Variants in RNF169 observed in about 807,000 individuals in gnomAD.
RNF169 encodes E3 ubiquitin-protein ligase RNF169.
In RNF169, 24 loss-of-function variants were observed where a neutral mutation model predicts 53.9. The ratio of observed to expected loss-of-function variants is 0.45; its 90% CI spans 0.32 to 0.63. RNF169 has a LOEUF of 0.63. Among genes scored for constraint, RNF169 ranks in the 20% least tolerant of loss-of-function variants. RNF169 has a pLI of 0.04. For missense variants in RNF169, 883 were observed against 906.2 expected (o/e 0.97, Z 0.33); for synonymous variants, 396 against 363.5 (o/e 1.09, Z -1.02).
chr11:74,817,214 T>G (rs1484335163), intron 3 of RNF169, among the ~76,000 whole-genome samples: 1 of 152,218 alleles, frequency 6.6e-6, no homozygotes, highest in Non-Finnish European at 1.5e-5. Context: ...CTCAGTTTGC[T>G]ATCTGTAAAA....
intron 1 of RNF169, 148 bp from the exon 2 acceptor site, chr11:74,789,478 C>T: frequency 2.0e-6 from 1 of 495,794 alleles, no homozygotes; most frequent in Non-Finnish European, 3.6e-6. Context: ...CTTTCCTCTA[C>T]CTTTTTGATA....
In RNF169 at chr11:74,817,586, TC is replaced by T; in HGVS notation, c.724-7del. On this transcript the variant is annotated splice_polypyrimidine_tract_variant and intron_variant, in intron 3 of 5. Transcript: ENST00000299563. Reference sequence around the variant, plus strand: ...AATGGACAGTGTTGTCTCCCTTGTCTCCCTGCCAGTGTCCTGCACGTCTCTC... The same window carrying T: ...AATGGACAGTGTTGTCTCCCTTGTCTCCTGCCAGTGTCCTGCACGTCTCTC... The T allele has an allele frequency of 6.4e-7, 1 of 1,572,818 alleles. No homozygotes were observed. The highest frequency in any genetic ancestry group is 8.8e-7 in the Non-Finnish European group (1 of 1,142,232).
chr11:74,820,311 T>A (rs1042898681), intron 4 of RNF169, among the ~76,000 whole-genome samples: 1 of 152,088 alleles, frequency 6.6e-6, no homozygotes, highest in Non-Finnish European at 1.5e-5. Context: ...CTAGGTAAAA[T>A]TGCAGAGTTA....
rs114013930 is a variant in RNF169 at position 74,799,843 on chromosome 11, C to T, written c.576+10144C>T. Among the ~76,000 whole-genome samples, 907 of 151,682 alleles carry T rather than the reference C, an allele frequency of 6.0e-3. 8 individuals are homozygous for T. The highest frequency in any genetic ancestry group is 0.021 in the African/African-American group (872 of 41,350). ...AAGTTTTAAAGCAGAAAGGGAAAAT[C>T]GCCAGTAATCCTGCCACTTAATAAA... On this transcript the variant is annotated intron_variant, in intron 2 of 5. Coordinates refer to ENST00000299563, the MANE Select transcript of RNF169 (RefSeq NM_001098638.2).
intron 2 of RNF169, among the ~76,000 whole-genome samples, chr11:74,793,402 T>G (rs2035606258): frequency 6.6e-6 from 1 of 152,244 alleles, no homozygotes; most frequent in South Asian, 2.1e-4. Flanking sequence ...CTAATATACT[T>G]TTCACTTAGT....
chr11:74,784,426 A>G (rs1466725311), intron 1 of RNF169, among the ~76,000 whole-genome samples: 2 of 152,228 alleles, frequency 1.3e-5, no homozygotes, highest in African/African-American at 4.8e-5. Flanking sequence ...GCTGTGATTT[A>G]TTACAGTGAA....
chr11:74,788,383 G>A (rs988474655), intron 1 of RNF169, among the ~76,000 whole-genome samples: 24 of 151,786 alleles, frequency 1.6e-4, no homozygotes, highest in African/African-American at 5.1e-4. Flanking sequence ...TGGTCTGCCC[G>A]ATCCATTTTG....
intron 1 of RNF169, among the ~76,000 whole-genome samples, chr11:74,789,317 A>G (rs1423394821): frequency 1.3e-5 from 2 of 152,310 alleles, no homozygotes; most frequent in Admixed American, 1.3e-4. Context: ...ACAAAAGGCA[A>G]CTTTTTGGGG....
At chr11:74,813,077 C>T (rs989332505) in intron 3 of RNF169, among the ~76,000 whole-genome samples, 2 of 152,214 alleles carry the variant, frequency 1.3e-5, no homozygotes, top group South Asian at 2.1e-4. Context: ...AAAGCTATCA[C>T]ATTCATGAAG....
rs762292088 is a variant in RNF169 at position 74,748,927 on chromosome 11, C to G, written c.47C>G (p.Ala16Gly). ...ACTCGGGCCTCTTCCGCGGCGGCAG[C>G]AGCCGCTCTGAGTCGGCGGGGCCGG... ...PSTRASSAAA[A>G]AALSRRGRRG... The change falls in exon 1 of 6, where the codon GCA becomes GGA. Residue 16 changes from alanine (A) to glycine (G), a missense_variant. By Grantham distance (60) the Ala-to-Gly change is moderately conservative. Coordinates refer to ENST00000299563, the MANE Select transcript of RNF169 (RefSeq NM_001098638.2). 6.9e-7 allele frequency: 1 copy of G among 1,458,056 alleles called. No individual in the cohort carries two copies. Among genetic ancestry groups the G allele is most frequent in the East Asian group, 2.9e-5 (1 of 34,628 alleles). 90.3% of individuals were successfully genotyped at this position (1,458,056 alleles called of 1,614,324 possible). A position where few individuals can be genotyped will look rare whatever the true frequency, so the allele number is the denominator to read the frequency against.
At chr11:74,781,104 T>C (rs987242621) in intron 1 of RNF169, among the ~76,000 whole-genome samples, 1 of 152,062 alleles carries the variant, frequency 6.6e-6, no homozygotes, top group Non-Finnish European at 1.5e-5. Context: ...AGTTCTCCAG[T>C]GTTGAGGAGA....
intron 2 of RNF169, among the ~76,000 whole-genome samples, chr11:74,799,955 C>G (rs2035706587): frequency 6.7e-6 from 1 of 149,160 alleles, no homozygotes; most frequent in Non-Finnish European, 1.5e-5. Context: ...CTTTTACTGC[C>G]CTTTTAAAAT....
intron 1 of RNF169, among the ~76,000 whole-genome samples, chr11:74,755,081 A>G (rs931424229): frequency 1.3e-5 from 2 of 152,244 alleles, no homozygotes; most frequent in Non-Finnish European, 1.5e-5. Context: ...GAGGACAGGA[A>G]TTCCCTAGTC....
At chr11:74,825,198 A>G (rs2036076950) in intron 4 of RNF169, among the ~76,000 whole-genome samples, 1 of 152,242 alleles carries the variant, frequency 6.6e-6, no homozygotes, top group South Asian at 2.1e-4. Context: ...TATAGACTGT[A>G]TGTTAGACCA....
intron 1 of RNF169, among the ~76,000 whole-genome samples, chr11:74,785,094 G>T (rs1241869971): frequency 6.7e-6 from 1 of 149,150 alleles, no homozygotes; most frequent in East Asian, 1.9e-4. Context: ...AGCTTGGCCG[G>T]TATTTTGATC....
At chr11:74,797,214 A>G (rs1020197354) in intron 2 of RNF169, among the ~76,000 whole-genome samples, 1 of 152,280 alleles carries the variant, frequency 6.6e-6, no homozygotes, top group Admixed American at 6.5e-5. Flanking sequence ...AACTTTTAGG[A>G]CCTAATTATC....
At chr11:74,808,864 T>A (rs2035838136) in intron 2 of RNF169, among the ~76,000 whole-genome samples, 3 of 152,218 alleles carry the variant, frequency 2.0e-5, no homozygotes, top group Admixed American at 6.5e-5. Context: ...TCTCCCCAGC[T>A]GTGGATTTGC....
intron 1 of RNF169, among the ~76,000 whole-genome samples, chr11:74,773,903 C>T (rs1485185928): frequency 6.6e-6 from 1 of 152,096 alleles, no homozygotes; most frequent in Non-Finnish European, 1.5e-5. Flanking sequence ...AAAGTAAATA[C>T]CTAATAAATA....
intron 1 of RNF169, among the ~76,000 whole-genome samples, chr11:74,762,321 A>G (rs981458990): frequency 6.6e-6 from 1 of 151,564 alleles, no homozygotes; most frequent in African/African-American, 2.4e-5. Context: ...ATCATTCTCC[A>G]TCCAGCTTTG....
Sources: allele counts gnomAD v4.1 joint callset (sites outside exome capture counted in the v4.1 genomes callset), GRCh38; gene constraint gnomAD v4.1.1; transcripts MANE v1.5; gene names NCBI Gene and HGNC (gene_info 2026-07-23, HGNC 2026-07-21).